The following TCF4 variants were observed in gnomAD, a reference collection of about 807,000 sequenced individuals.
TCF4 encodes SL3-3 enhancer factor 2.
In TCF4, 3 loss-of-function variants were observed where a neutral mutation model predicts 82.1. The ratio of observed to expected loss-of-function variants is 0.04; its 90% CI spans 0.02 to 0.09. TCF4 has a LOEUF of 0.09. Ranked by LOEUF, TCF4 falls within the 10% of genes least tolerant of loss-of-function variation. TCF4 has a pLI of 1.00. For synonymous variants in TCF4, 276 were observed against 309.6 expected (o/e 0.89, Z 1.14); for missense variants, 518 against 852.7 (o/e 0.61, Z 4.89).
At chr18:55,301,988 A>G (rs1399318587) in intron 8 of TCF4, among the ~76,000 whole-genome samples, 1 of 152,208 alleles carries the variant, frequency 6.6e-6, no homozygotes, top group East Asian at 1.9e-4. Context: ...AATACATCAC[A>G]ATGGTAAGAA....
chr18:55,602,396 G>T (rs1032023309), intron 2 of TCF4, among the ~76,000 whole-genome samples: 4 of 152,098 alleles, frequency 2.6e-5, no homozygotes, highest in African/African-American at 9.7e-5. Context: ...TACTAATCTT[G>T]TTCCAATTTT....
At chr18:55,242,610 A>AAT (rs2051616029) in intron 15 of TCF4, among the ~76,000 whole-genome samples, 1 of 142,586 alleles carries the variant, frequency 7.0e-6, no homozygotes, top group African/African-American at 2.6e-5. Flanking sequence ...GCAGGCACTG[A>AAT]TTTTTTTTTT....
At chr18:55,516,381 T>G (rs1023268163) in intron 3 of TCF4, among the ~76,000 whole-genome samples, 1 of 152,024 alleles carries the variant, frequency 6.6e-6, no homozygotes, top group African/African-American at 2.4e-5. Flanking sequence ...TCTGGTTTTT[T>G]GGGTTTTTTT....
upstream of TCF4, chr18:55,589,227 T>A: frequency 9.7e-7 from 1 of 1,027,822 alleles, no homozygotes; most frequent in Non-Finnish European, 1.2e-6. Context: ...TAATAAAACA[T>A]CGGGATCGAC....
chr18:55,322,425 GAAAAAAAAAAA>G (rs967879627), intron 8 of TCF4: 212 of 776,968 alleles, frequency 2.7e-4, no homozygotes, highest in African/African-American at 1.4e-3. Flanking sequence ...GGGGAGGGAA[GAAAAAAAAAAA>G]AAAAAAAAAA....
chr18:55,454,118 C>T (rs2095685182), intron 5 of TCF4, among the ~76,000 whole-genome samples: 1 of 152,078 alleles, frequency 6.6e-6, no homozygotes, highest in South Asian at 2.1e-4. Context: ...CCACCTTGGC[C>T]TCCCAAAGTG....
chr18:55,269,605 C>CT, intron 11 of TCF4: 1 of 580,238 alleles, frequency 1.7e-6, no homozygotes, highest in African/African-American at 1.9e-5. Context: ...AATCTAATGA[C>CT]TTGCAACGTA....
chr18:55,632,322 A>G (rs573964383), intron 1 of TCF4, among the ~76,000 whole-genome samples: 1 of 152,128 alleles, frequency 6.6e-6, no homozygotes, highest in Non-Finnish European at 1.5e-5. Flanking sequence ...ACAGGCATGA[A>G]CCACCGCGCC....
At chr18:55,313,922 A>G (rs531530113) in intron 8 of TCF4, among the ~76,000 whole-genome samples, 97 of 152,248 alleles carry the variant, frequency 6.4e-4, no homozygotes, top group African/African-American at 2.2e-3. Context: ...TCCTACTTCA[A>G]TGAGTTTGAC....
intron 6 of TCF4, among the ~76,000 whole-genome samples, chr18:55,399,276 A>C (rs535326629): frequency 2.0e-5 from 3 of 152,326 alleles, no homozygotes; most frequent in Admixed American, 2.0e-4. Context: ...ATGAACCAAA[A>C]ATGAGCAAGC....
chr18:55,348,933 G>A (rs917050860), intron 8 of TCF4, among the ~76,000 whole-genome samples: 1 of 152,050 alleles, frequency 6.6e-6, no homozygotes, highest in African/African-American at 2.4e-5. Context: ...ACAGCTGTTA[G>A]GACTGTATCA....
chr18:55,583,365 G>A lies in TCF4; in HGVS notation c.145+1915C>T, dbSNP rs137956665. On this transcript the variant is annotated intron_variant, in intron 3 of 19. Transcript: ENST00000354452. Reference sequence around the variant, plus strand: ...TGTGTATGTGTGTATGTGTGTATGTGTGTGTGTTATTGTCTTCAGAACTGT... The same window carrying A: ...TGTGTATGTGTGTATGTGTGTATGTATGTGTGTTATTGTCTTCAGAACTGT... Among the ~76,000 whole-genome samples the A allele has an allele frequency of 1.4e-3, 217 of 151,932 alleles. 1 individual carries two copies. Among genetic ancestry groups the A allele is most frequent in the African/African-American group, 5.0e-3 (205 of 41,304 alleles).
intron 3 of TCF4, among the ~76,000 whole-genome samples, chr18:55,530,569 G>A (rs1237978425): frequency 7.3e-6 from 1 of 137,822 alleles, no homozygotes; most frequent in Non-Finnish European, 1.6e-5. Flanking sequence ...AAAGGGGGGG[G>A]GAAACAGCTA....
intron 8 of TCF4, among the ~76,000 whole-genome samples, chr18:55,308,963 T>A (rs1442134904): frequency 6.6e-6 from 1 of 152,180 alleles, no homozygotes. Context: ...ATGATACAAA[T>A]ATTCTGTATC....
intron 5 of TCF4, among the ~76,000 whole-genome samples, chr18:55,408,914 A>T (rs891845598): frequency 7.2e-5 from 11 of 152,002 alleles, no homozygotes; most frequent in African/African-American, 2.7e-4. Context: ...ATATGAAATT[A>T]ATGAAAGTGT....
intron 6 of TCF4, among the ~76,000 whole-genome samples, chr18:55,355,884 G>A (rs563789411): frequency 1.3e-5 from 2 of 152,118 alleles, no homozygotes; most frequent in Non-Finnish European, 2.9e-5. Context: ...CATTGTGTCT[G>A]TAACAAGTCA....
intron 7 of TCF4, 80 bp from the exon 8 acceptor site, chr18:55,350,488 G>A (rs764087891): frequency 1.4e-6 from 2 of 1,404,126 alleles, no homozygotes; most frequent in African/African-American, 1.4e-5. Context: ...AAGACTTCTA[G>A]ATGATACCAC....
At chr18:55,572,730 T>C (rs1369419011) in intron 3 of TCF4, among the ~76,000 whole-genome samples, 1 of 152,074 alleles carries the variant, frequency 6.6e-6, no homozygotes, top group African/African-American at 2.4e-5. Context: ...CATCATAATG[T>C]TTACTGCTCA....
chr18:55,256,027 T>C (rs1756481957), intron 14 of TCF4, among the ~76,000 whole-genome samples: 1 of 152,186 alleles, frequency 6.6e-6, no homozygotes, highest in South Asian at 2.1e-4. Context: ...TTGCTACGTA[T>C]TTGGCCTTGG....
Sources: gnomAD v4.1 joint callset for allele counts (sites outside exome capture counted in the v4.1 genomes callset) on GRCh38, gnomAD v4.1.1 for gene constraint, MANE v1.5 for transcripts, NCBI Gene and HGNC (gene_info 2026-07-23, HGNC 2026-07-21) for gene names.